The following RAD51B variants were observed in gnomAD, a reference collection of about 807,000 sequenced individuals.
RAD51B encodes DNA repair protein RAD51 homolog 2.
Under a neutral mutation model 42.2 loss-of-function variants are expected in RAD51B, and 38 were observed. The observed-to-expected ratio is 0.90, with a 90% CI of 0.70 to 1.18. The LOEUF is 1.18. RAD51B is among the 50% of genes most tolerant of loss of function. The pLI, the probability that RAD51B is intolerant of heterozygous loss-of-function variation, is 0.00. For missense variants in RAD51B, 373 were observed against 400.7 expected (o/e 0.93, Z 0.59); for synonymous variants, 154 against 145.2 (o/e 1.06, Z -0.43).
chr14:68,673,957 T>A (rs563276395), intron 11 of RAD51B, among the ~76,000 whole-genome samples: 5 of 151,830 alleles, frequency 3.3e-5, no homozygotes, highest in African/African-American at 4.8e-5. Flanking sequence ...TACACACACA[T>A]CTATACATGC....
intron 7 of RAD51B, among the ~76,000 whole-genome samples, chr14:68,250,821 A>G (rs117808392): frequency 0.029 from 4,436 of 152,276 alleles, 199 homozygotes; most frequent in African/African-American, 0.096. Context: ...CCAGGAAGGG[A>G]GAGAATATCA....
intron 10 of RAD51B, among the ~76,000 whole-genome samples, chr14:68,582,862 A>T (rs910398943): frequency 2.0e-5 from 3 of 152,226 alleles, no homozygotes; most frequent in Non-Finnish European, 4.4e-5. Flanking sequence ...AGGGACATGG[A>T]TGAAGCTGGA....
At chr14:68,585,145 T>A (rs1346737734) in intron 10 of RAD51B, among the ~76,000 whole-genome samples, 1 of 152,196 alleles carries the variant, frequency 6.6e-6, no homozygotes, top group Non-Finnish European at 1.5e-5. Context: ...AGAGGTGCAT[T>A]CCCACCTCTG....
intron 10 of RAD51B, among the ~76,000 whole-genome samples, chr14:68,566,079 C>T (rs1470814400): frequency 1.3e-5 from 2 of 152,226 alleles, no homozygotes; most frequent in Non-Finnish European, 2.9e-5. Flanking sequence ...CACTCTTCAC[C>T]CTCTCTCCTG....
rs1169927665 is a variant in RAD51B, at chr14:68,226,809, A to G, written c.757-65075A>G. 2.0e-5 allele frequency among the ~76,000 whole-genome samples: 3 copies of G among 152,266 alleles called. No homozygotes were observed. In the East Asian group the frequency reaches 5.8e-4, roughly 29 times the overall value. Reference sequence around the variant, plus strand: ...TACATAGCTAGTTTCAGTTCTGGGTAGAACCCAAATCTCCTGACTCCTAGG... The same window carrying G: ...TACATAGCTAGTTTCAGTTCTGGGTGGAACCCAAATCTCCTGACTCCTAGG... On this transcript the variant is annotated intron_variant, in intron 7 of 10. Coordinates refer to ENST00000471583, the MANE Select transcript of RAD51B (RefSeq NM_133510.4).
chr14:68,168,072 T>A (rs2078789610), intron 7 of RAD51B, among the ~76,000 whole-genome samples: 1 of 152,106 alleles, frequency 6.6e-6, no homozygotes, highest in African/African-American at 2.4e-5. Context: ...TCTCCCATAA[T>A]TTTGACACTA....
chr14:68,356,969 C>T (rs1459846493), intron 8 of RAD51B, among the ~76,000 whole-genome samples: 2 of 109,864 alleles, frequency 1.8e-5, no homozygotes, highest in Non-Finnish European at 3.4e-5. Flanking sequence ...GGCGACAGAG[C>T]GAGACTCCGT....
At position 68,648,135 on chromosome 14, in the gene RAD51B, A is replaced by ATATATATATACACACACG. The variant is rs1892619392; in HGVS notation, c.1037-2636_1037-2635insCACACACGTATATATATA. Reference sequence around the variant, plus strand: ...CACGTATATATATATACACACACGTATATATATATATACACACACGTATAT... The same window carrying ATATATATATACACACACG: ...CACGTATATATATATACACACACGTATATATATATACACACACGTATATATATATACACACACGTATAT... On this transcript the variant is annotated intron_variant, in intron 10 of 11. Coordinates refer to the RAD51B transcript ENST00000488612. Among the ~76,000 whole-genome samples, 7 of 100,976 alleles carry ATATATATATACACACACG rather than the reference A, an allele frequency of 6.9e-5. 1 individual carries two copies. In the South Asian group the frequency reaches 9.5e-4, roughly 14 times the overall value. The allele number at this position is 100,976 out of a possible 152,430, so 66.2% of individuals were successfully genotyped here.
intron 8 of RAD51B, among the ~76,000 whole-genome samples, chr14:68,362,618 G>C (rs2083049611): frequency 6.6e-6 from 1 of 152,188 alleles, no homozygotes; most frequent in Admixed American, 6.5e-5. Flanking sequence ...GGGAGGCCAA[G>C]GTGGGCGGAT....
chr14:67,995,010 C>CA (rs2075357261), intron 7 of RAD51B, among the ~76,000 whole-genome samples: 1 of 152,132 alleles, frequency 6.6e-6, no homozygotes, highest in Admixed American at 6.5e-5. Flanking sequence ...AAGCCAGTCA[C>CA]AAAAAGACTA....
At chr14:68,301,643 C>T (rs572146619) in intron 8 of RAD51B, among the ~76,000 whole-genome samples, 1 of 139,142 alleles carries the variant, frequency 7.2e-6, no homozygotes, top group South Asian at 2.3e-4. Context: ...ATCGCCCAGG[C>T]TGGAGTGCAG....
chr14:67,821,381 G>A (rs1239174492), intron 1 of RAD51B, among the ~76,000 whole-genome samples: 2 of 152,202 alleles, frequency 1.3e-5, no homozygotes, highest in African/African-American at 4.8e-5. Context: ...CAAGTGATGG[G>A]AGTGGCCCTA....
chr14:68,363,862 C>T (rs1310857885), intron 8 of RAD51B, among the ~76,000 whole-genome samples: 1 of 152,200 alleles, frequency 6.6e-6, no homozygotes, highest in African/African-American at 2.4e-5. Context: ...GAAGTCGTAT[C>T]AGCCGCTCCA....
intron 7 of RAD51B, among the ~76,000 whole-genome samples, chr14:68,086,431 G>A (rs1249398791): frequency 6.6e-6 from 1 of 152,154 alleles, no homozygotes; most frequent in African/African-American, 2.4e-5. Flanking sequence ...GGCTGTATTG[G>A]GAAATACAAC....
chr14:68,236,068 G>A (rs2080250451), intron 7 of RAD51B, among the ~76,000 whole-genome samples: 2 of 152,118 alleles, frequency 1.3e-5, no homozygotes, highest in Admixed American at 1.3e-4. Context: ...AGGGTGGAGG[G>A]AGGCAGGAGG....
intron 10 of RAD51B, among the ~76,000 whole-genome samples, chr14:68,645,151 C>T (rs918694737): frequency 6.6e-6 from 1 of 152,172 alleles, no homozygotes; most frequent in Non-Finnish European, 1.5e-5. Context: ...ATTAATTCCC[C>T]ATTCTCACCT....
chr14:68,319,849 A>G (rs1160313687), intron 8 of RAD51B, among the ~76,000 whole-genome samples: 1 of 152,194 alleles, frequency 6.6e-6, no homozygotes, highest in Non-Finnish European at 1.5e-5. Context: ...CTGAGTGCCT[A>G]ATATGTGCCA....
intron 7 of RAD51B, among the ~76,000 whole-genome samples, chr14:68,257,420 T>G (rs1229486247): frequency 6.6e-6 from 1 of 152,084 alleles, no homozygotes; most frequent in Admixed American, 6.5e-5. Context: ...TAAAATTAAT[T>G]GCACCATTAT....
chr14:67,895,143 A>T (rs2043369532), intron 7 of RAD51B, among the ~76,000 whole-genome samples: 1 of 152,244 alleles, frequency 6.6e-6, no homozygotes, highest in South Asian at 2.1e-4. Context: ...AAATTCATAA[A>T]GCACATGCAT....
Sources: allele counts gnomAD v4.1 joint callset (sites outside exome capture counted in the v4.1 genomes callset), GRCh38; gene constraint gnomAD v4.1.1; transcripts MANE v1.5; gene names NCBI Gene and HGNC (gene_info 2026-07-23, HGNC 2026-07-21).